The following RPA3 variants were observed in gnomAD, a reference collection of about 807,000 sequenced individuals.
RPA3 encodes replication protein A 14 kDa subunit.
Under a neutral mutation model 13.7 loss-of-function variants are expected in RPA3, and 24 were observed. The observed-to-expected ratio is 1.75, with a 90% CI of 1.27 to 2.46. RPA3 has a LOEUF of 2.46. Ranked by LOEUF, RPA3 falls within the 30% of genes most tolerant of loss-of-function variation. RPA3 has a pLI of 0.00. For synonymous variants in RPA3, 59 were observed against 51.2 expected (o/e 1.15, Z -0.65); for missense variants, 183 against 151.0 (o/e 1.21, Z -1.11).
chr7:7,656,785 G>A (rs543770153), intron 4 of RPA3, among the ~76,000 whole-genome samples: 1 of 152,296 alleles, frequency 6.6e-6, no homozygotes, highest in East Asian at 1.9e-4. Flanking sequence ...ACGTGCGCAT[G>A]TGTCTTTATG....
chr7:7,678,455 TAATA>T (rs1466252497), intron 4 of RPA3, among the ~76,000 whole-genome samples: 1 of 142,228 alleles, frequency 7.0e-6, no homozygotes, highest in Non-Finnish European at 1.5e-5. Context: ...TAATTTTATA[TAATA>T]AATATATATT....
At chr7:7,656,018 A>G (rs2115082004) in intron 4 of RPA3, among the ~76,000 whole-genome samples, 1 of 152,158 alleles carries the variant, frequency 6.6e-6, no homozygotes, top group East Asian at 1.9e-4. Context: ...TATTTTTAGT[A>G]GAGACGGGGT....
rs1031074563 is a variant in RPA3 at position 7,655,234 on chromosome 7, A to T, written c.-757-14059T>A. Among the ~76,000 whole-genome samples, 5 of 152,110 alleles carry T rather than the reference A, an allele frequency of 3.3e-5. No individual in the cohort carries two copies. In the East Asian group the frequency reaches 9.6e-4, roughly 29 times the overall value. On this transcript the variant is annotated intron_variant, in intron 4 of 7. Coordinates refer to ENST00000223129, the MANE Select transcript of RPA3 (RefSeq NM_002947.5). ...AAAAGTCATCCAGTCGTGGGAATAA[A>T]CTAGACTGCCCCTTCCCCCAGTACT...
chr7:7,684,204 C>T (rs562458456), intron 4 of RPA3, among the ~76,000 whole-genome samples: 1 of 151,500 alleles, frequency 6.6e-6, no homozygotes, highest in Non-Finnish European at 1.5e-5. Context: ...AGCACAGATG[C>T]AATTTTTTTT....
intron 4 of RPA3, among the ~76,000 whole-genome samples, chr7:7,667,379 A>G (rs79343990): frequency 0.018 from 2,804 of 152,334 alleles, 89 homozygotes; most frequent in African/African-American, 0.064. Context: ...TGTCAAGGCC[A>G]TGCATATCAG....
chr7:7,659,820 C>T (rs939027765), intron 4 of RPA3, among the ~76,000 whole-genome samples: 2 of 152,148 alleles, frequency 1.3e-5, no homozygotes, highest in African/African-American at 2.4e-5. Context: ...ATTAGGTCTG[C>T]TTGGTCCAGA....
At chr7:7,670,541 GTC>G (rs1779579924) in intron 4 of RPA3, among the ~76,000 whole-genome samples, 2 of 152,134 alleles carry the variant, frequency 1.3e-5, no homozygotes, top group South Asian at 2.1e-4. Flanking sequence ...ATTCAGATCT[GTC>G]TCTCTACTAC....
intron 4 of RPA3, among the ~76,000 whole-genome samples, chr7:7,659,524 C>T (rs1288931060): frequency 6.6e-6 from 1 of 152,158 alleles, no homozygotes; most frequent in Admixed American, 6.6e-5. Flanking sequence ...TCATTGGTTT[C>T]AAAGAACATC....
intron 2 of RPA3, among the ~76,000 whole-genome samples, chr7:7,698,694 A>C (rs753796812): frequency 6.6e-6 from 1 of 151,728 alleles, no homozygotes; most frequent in Non-Finnish European, 1.5e-5. Context: ...CATCCTTTCA[A>C]CCTTCTTTCT....
At chr7:7,711,328 A>T (rs149640585) in intron 2 of RPA3, among the ~76,000 whole-genome samples, 1 of 152,324 alleles carries the variant, frequency 6.6e-6, no homozygotes, top group African/African-American at 2.4e-5. Context: ...CCTGGTGCAC[A>T]TATGTGAGCT....
chr7:7,669,466 A>T (rs1471729435), intron 4 of RPA3, among the ~76,000 whole-genome samples: 3 of 152,188 alleles, frequency 2.0e-5, no homozygotes, highest in African/African-American at 7.2e-5. Flanking sequence ...TTTTTGAGTG[A>T]TATGAAAAGA....
chr7:7,703,383 A>G (rs1293140681), intron 2 of RPA3, among the ~76,000 whole-genome samples: 2 of 152,204 alleles, frequency 1.3e-5, no homozygotes, highest in Non-Finnish European at 2.9e-5. Flanking sequence ...TTATTTACCT[A>G]TAGAATTTTT....
chr7:7,647,917 T>G (rs1215367886), intron 4 of RPA3, among the ~76,000 whole-genome samples: 1 of 152,154 alleles, frequency 6.6e-6, no homozygotes, highest in African/African-American at 2.4e-5. Context: ...GCTTTAAAGT[T>G]TTTGTTGTTG....
intron 4 of RPA3, among the ~76,000 whole-genome samples, chr7:7,652,636 C>T (rs1293948817): frequency 6.6e-6 from 1 of 152,126 alleles, no homozygotes; most frequent in East Asian, 1.9e-4. Context: ...TGGTTAATTC[C>T]GTGAATTTGG....
At chr7:7,668,165 G>T (rs749457096) in intron 4 of RPA3, among the ~76,000 whole-genome samples, 1 of 151,808 alleles carries the variant, frequency 6.6e-6, no homozygotes, top group Non-Finnish European at 1.5e-5. Context: ...TGCCTGCCTC[G>T]GTCTCCCAAA....
chr7:7,683,903 G>GTGAGCCAC (rs1176731045), intron 4 of RPA3, among the ~76,000 whole-genome samples: 1 of 152,160 alleles, frequency 6.6e-6, no homozygotes, highest in African/African-American at 2.4e-5. Flanking sequence ...GATTATAGGC[G>GTGAGCCAC]TGAGCCACTG....
intron 2 of RPA3, among the ~76,000 whole-genome samples, chr7:7,713,863 C>G (rs1302189489): frequency 6.6e-6 from 1 of 152,136 alleles, no homozygotes; most frequent in African/African-American, 2.4e-5. Flanking sequence ...CAGGGTCTCA[C>G]TCTGTCACCC....
chr7:7,691,040 A>C (rs574728619), intron 2 of RPA3, among the ~76,000 whole-genome samples: 3 of 152,310 alleles, frequency 2.0e-5, no homozygotes, highest in African/African-American at 7.2e-5. Flanking sequence ...GCATGGTACA[A>C]ACCTGTATTT....
intron 2 of RPA3, among the ~76,000 whole-genome samples, chr7:7,706,990 T>C (rs1010139173): frequency 6.6e-6 from 1 of 152,196 alleles, no homozygotes; most frequent in African/African-American, 2.4e-5. Context: ...TTCTTGTCTT[T>C]GAAGTCAAAA....
Sources: gnomAD v4.1 joint callset for allele counts (sites outside exome capture counted in the v4.1 genomes callset) on GRCh38, gnomAD v4.1.1 for gene constraint, MANE v1.5 for transcripts, NCBI Gene and HGNC (gene_info 2026-07-23, HGNC 2026-07-21) for gene names.